TENM4: variants seen among roughly 807,000 people sequenced by gnomAD.
The protein encoded by TENM4 is teneurin-4.
Under a neutral mutation model 243.3 loss-of-function variants are expected in TENM4, and 82 were observed. The observed-to-expected ratio is 0.34, with a 90% CI of 0.28 to 0.40. The LOEUF (loss-of-function observed/expected upper bound fraction) is 0.40, where lower values mean the gene tolerates loss of function less well. Ranked by LOEUF, TENM4 falls within the 10% of genes least tolerant of loss-of-function variation. The pLI is 1.00. For synonymous variants in TENM4, 1,412 were observed against 1,456.3 expected, an observed-to-expected ratio of 0.97 and a Z score of 0.69; for missense variants, 3,138 against 3,673.3, an observed-to-expected ratio of 0.85 and a Z score of 3.77.
chr11:78,858,159 T>C (rs989455664), intron 10 of TENM4, among the ~76,000 whole-genome samples: 1 of 152,190 alleles, frequency 6.6e-6, no homozygotes, highest in African/African-American at 2.4e-5. Flanking sequence ...CACAGTTCAT[T>C]TTCTCCCTCA....
chr11:78,839,389 T>C (rs1392204583), intron 12 of TENM4, among the ~76,000 whole-genome samples: 1 of 152,220 alleles, frequency 6.6e-6, no homozygotes, highest in Non-Finnish European at 1.5e-5. Context: ...GATGATACTT[T>C]AATTTTTATT....
chr11:79,335,619 G>T (rs1234174793), intron 1 of TENM4, among the ~76,000 whole-genome samples: 2 of 152,204 alleles, frequency 1.3e-5, no homozygotes, highest in Admixed American at 1.3e-4. Flanking sequence ...GTATGGGAGT[G>T]ACTCTATAAG....
chr11:78,814,544 T>A, intron 12 of TENM4, 149 bp from the exon 13 acceptor site: 1 of 671,662 alleles, frequency 1.5e-6, no homozygotes, highest in Non-Finnish European at 2.6e-6. Context: ...TAAAATTCTA[T>A]GTTATTTTTA....
intron 4 of TENM4, among the ~76,000 whole-genome samples, chr11:79,129,383 T>G (rs565330926): frequency 1.3e-5 from 2 of 152,052 alleles, no homozygotes; most frequent in Non-Finnish European, 2.9e-5. Context: ...TGGCCAGAAC[T>G]TGGGGGAGGG....
chr11:79,340,846 A>C (rs1478049647), intron 1 of TENM4, among the ~76,000 whole-genome samples: 1 of 151,180 alleles, frequency 6.6e-6, no homozygotes, highest in Non-Finnish European at 1.5e-5. Context: ...CCCCACCAAC[A>C]AAAAAAAATA....
intron 26 of TENM4, 147 bp from the exon 27 acceptor site, chr11:78,708,662 G>A (rs2135791444): frequency 1.0e-6 from 1 of 976,184 alleles, no homozygotes; most frequent in Admixed American, 2.6e-5. Context: ...TCAAAGAGGA[G>A]GAGTCTCAGG....
intron 6 of TENM4, among the ~76,000 whole-genome samples, chr11:79,047,093 A>T (rs113075625): frequency 2.0e-5 from 3 of 152,374 alleles, no homozygotes; most frequent in African/African-American, 4.8e-5. Flanking sequence ...GTTTCACGGC[A>T]TTACCTTGAA....
rs556927434 is a variant in TENM4, at chr11:79,358,602, C to T, written c.-320-61059G>A. On this transcript the variant is annotated intron_variant, in intron 1 of 33. Transcript: ENST00000278550. Reference sequence around the variant, plus strand: ...AGTGAGGCTAAGCGTTCCTTCCCTCCTTCCCTTCCTCCCTTCCTGCCTGCC... The same window carrying T: ...AGTGAGGCTAAGCGTTCCTTCCCTCTTTCCCTTCCTCCCTTCCTGCCTGCC... Among the ~76,000 whole-genome samples the T allele has an allele frequency of 1.4e-3, 213 of 151,846 alleles. 2 individuals carry two copies. The highest frequency in any genetic ancestry group is 0.013 in the South Asian group (60 of 4,782).
chr11:79,138,908 T>G (rs1862186514), intron 4 of TENM4, among the ~76,000 whole-genome samples: 2 of 107,076 alleles, frequency 1.9e-5, no homozygotes, highest in East Asian at 2.4e-4. Context: ...TATATTTCTA[T>G]AAATATATAT....
intron 4 of TENM4, among the ~76,000 whole-genome samples, chr11:79,138,319 A>AT (rs1240136384): frequency 3.5e-5 from 4 of 113,570 alleles, no homozygotes; most frequent in African/African-American, 1.4e-4. Context: ...CTTTATATAT[A>AT]TATATATATA....
chr11:79,130,282 G>T (rs1449164543), intron 4 of TENM4, among the ~76,000 whole-genome samples: 1 of 152,116 alleles, frequency 6.6e-6, no homozygotes, highest in African/African-American at 2.4e-5. Context: ...CTACCCAAAT[G>T]AGAAGAAAAC....
intron 2 of TENM4, among the ~76,000 whole-genome samples, chr11:79,238,886 G>A (rs533059893): frequency 3.9e-5 from 6 of 152,004 alleles, no homozygotes; most frequent in African/African-American, 7.2e-5. Flanking sequence ...TTAGTTAGGT[G>A]TGGTGGCACA....
intron 3 of TENM4, among the ~76,000 whole-genome samples, chr11:79,150,998 C>T (rs938272907): frequency 1.3e-5 from 2 of 152,122 alleles, no homozygotes; most frequent in African/African-American, 4.8e-5. Context: ...CAGGATCACT[C>T]AGCTACTATG....
chr11:78,859,188 CTGGCAT>C (rs1442842453), intron 10 of TENM4, among the ~76,000 whole-genome samples: 1 of 152,108 alleles, frequency 6.6e-6, no homozygotes, highest in Admixed American at 6.5e-5. Context: ...AAAAAACTTC[CTGGCAT>C]CCTAGGGTAC....
chr11:78,827,942 G>A (rs1857894559), intron 12 of TENM4, among the ~76,000 whole-genome samples: 1 of 152,162 alleles, frequency 6.6e-6, no homozygotes, highest in African/African-American at 2.4e-5. Flanking sequence ...GTATAAGTAT[G>A]GCTGTTTTCC....
At chr11:79,237,176 G>C (rs999820400) in intron 2 of TENM4, among the ~76,000 whole-genome samples, 3 of 148,200 alleles carry the variant, frequency 2.0e-5, no homozygotes, top group African/African-American at 7.5e-5. Context: ...GCTCCTTAAA[G>C]AGAAGAGATT....
chr11:79,267,921 A>T (rs1373665213), intron 2 of TENM4, among the ~76,000 whole-genome samples: 3 of 152,222 alleles, frequency 2.0e-5, no homozygotes, highest in Non-Finnish European at 4.4e-5. Context: ...TGCCAAAACA[A>T]TCTAACATCC....
chr11:79,050,443 C>T (rs1859765361), intron 6 of TENM4, among the ~76,000 whole-genome samples: 1 of 152,164 alleles, frequency 6.6e-6, no homozygotes, highest in Non-Finnish European at 1.5e-5. Context: ...GGAGGCACCT[C>T]ACTTCTAATT....
intron 2 of TENM4, among the ~76,000 whole-genome samples, chr11:79,219,446 G>A (rs1259025770): frequency 6.6e-6 from 1 of 152,224 alleles, no homozygotes; most frequent in African/African-American, 2.4e-5. Flanking sequence ...ATTGGAAGTG[G>A]AGTTGCCTGG....
Sources: gnomAD v4.1 joint callset for allele counts (sites outside exome capture counted in the v4.1 genomes callset) on GRCh38, gnomAD v4.1.1 for gene constraint, MANE v1.5 for transcripts, NCBI Gene and HGNC (gene_info 2026-07-23, HGNC 2026-07-21) for gene names.